SPTBN5: variants seen among roughly 807,000 people sequenced by gnomAD.
SPTBN5 encodes the protein spectrin beta chain, non-erythrocytic 5.
SPTBN5 carries 513 observed loss-of-function variants against 477.6 expected under a neutral mutation model. That is an observed-to-expected ratio of 1.07 (90% CI 1.00 to 1.16). The LOEUF is 1.16. Among genes scored for constraint, SPTBN5 ranks in the 50% most tolerant of loss-of-function variants. SPTBN5 has a pLI of 0.00. For synonymous variants in SPTBN5, 2,169 were observed against 2,011.7 expected, an observed-to-expected ratio of 1.08 and a Z score of -2.09; for missense variants, 5,062 against 4,731.8, an observed-to-expected ratio of 1.07 and a Z score of -2.05.
intron 18 of SPTBN5, 64 bp downstream of exon 18, chr15:41,877,052 C>T: frequency 6.2e-7 from 1 of 1,603,130 alleles, no homozygotes; most frequent in Non-Finnish European, 8.5e-7. Context: ...CTTCTGGACT[C>T]AAGGGGATGA....
In SPTBN5 at chr15:41,887,899, G is replaced by C; in HGVS notation, c.659+29C>G. 8 of 1,594,508 alleles carry C rather than the reference G, an allele frequency of 5.0e-6. 1 individual carries two copies. In the South Asian group the frequency reaches 9.1e-5, roughly 18 times the overall value. ...CCAGGAGCTGTTGGCTCAGTGGGCAGAGGCCTCCTGACAAGGGTGGGGTCA... is the reference window on the plus strand; with the variant it reads ...CCAGGAGCTGTTGGCTCAGTGGGCACAGGCCTCCTGACAAGGGTGGGGTCA... On this transcript the variant is annotated intron_variant, in intron 5 of 67. Coordinates refer to ENST00000320955, the MANE Select transcript of SPTBN5 (RefSeq NM_016642.4).
At position 41,876,259 on chromosome 15, in the gene SPTBN5, A is replaced by G; in HGVS notation, c.3977T>C (p.Leu1326Pro). ...LQEWKQDVAE[L>P]MQWMEEKGLM... ...CCCCTTCTCTTCCATCCACTGCATCAGCTCTGCCACATCCTGCTTCCACTC... is the reference window on the plus strand; with the variant it reads ...CCCCTTCTCTTCCATCCACTGCATCGGCTCTGCCACATCCTGCTTCCACTC... Residue 1326 changes from leucine to proline, a missense_variant, in exon 21 of 68, where the codon CTG (leucine) becomes CCG (proline). By Grantham distance (98) the Leu-to-Pro change is moderately conservative (BLOSUM62 -3). Coordinates refer to ENST00000320955, the MANE Select transcript of SPTBN5 (RefSeq NM_016642.4). The G allele has an allele frequency of 1.3e-6, 2 of 1,585,104 alleles. No homozygotes were observed. Among genetic ancestry groups the G allele is most frequent in the Non-Finnish European group, 1.7e-6 (2 of 1,166,268 alleles).
Position 41,876,116 on chromosome 15 carries a change from G to A in SPTBN5, c.4120C>T (p.Gln1374Ter). 6.3e-7 allele frequency: 1 copy of A among 1,598,386 alleles called. No homozygotes were observed. The highest frequency in any genetic ancestry group is 8.5e-7 in the Non-Finnish European group (1 of 1,176,814). Residue 1374 changes from glutamine (Q) to a stop codon, truncating the protein, a stop_gained and splice_region_variant, in exon 21 of 68, where the codon CAG becomes TAG. Coordinates refer to ENST00000320955, the MANE Select transcript of SPTBN5 (RefSeq NM_016642.4). LOFTEE classifies it high-confidence loss of function. ...ACCCTCTGTCCCGTGTCCCCCACCTGCTGCAGGGCCTCCACGTGTCTGCGG... is the reference window on the plus strand; with the variant it reads ...ACCCTCTGTCCCGTGTCCCCCACCTACTGCAGGGCCTCCACGTGTCTGCGG... Reference protein sequence around the residue: ...ATRRHVEALQQVGRELLSRRP... With the variant: ...ATRRHVEALQ
In SPTBN5 at chr15:41,890,098, G is replaced by A. The variant is rs1391451172; in HGVS notation, c.492C>T (p.Ser164=). ...GGGGACTGAGCCATACCTTGTCCAA[G>A]GAGATGTGGGAGATCTGGAAACGCA... ...IILRFQISHI[S]LDKEEFGASA... is the part of the protein sequence containing the mutation. The change falls in exon 4 of 68, where the codon TCC becomes TCT. Residue 164 remains serine (S), a synonymous_variant. Coordinates refer to ENST00000320955, the MANE Select transcript of SPTBN5 (RefSeq NM_016642.4). 6.2e-7 allele frequency: 1 copy of A among 1,609,660 alleles called. No homozygotes were observed. Among genetic ancestry groups the A allele is most frequent in the Non-Finnish European group, 8.5e-7 (1 of 1,177,546 alleles).
Position 41,872,372 on chromosome 15 carries a change from C to G in SPTBN5, c.5095G>C (p.Glu1699Gln). 1 of 1,610,934 alleles carries G rather than the reference C, an allele frequency of 6.2e-7. No individual in the cohort carries two copies. The highest frequency in any genetic ancestry group is 8.5e-7 in the Non-Finnish European group (1 of 1,179,250). ...AQTLTGPEVP[E>Q]QQRVVQERLR... ...CTCTCCTGCACCACACGCTGCTGCT[C>G]AGGGACTTCGGGGCCAGTGAGGGTT... The change falls in exon 27 of 68, where the codon GAG becomes CAG. Residue 1699 changes from glutamate (E) to glutamine (Q), a missense_variant. Transcript: ENST00000320955.
At chr15:41,850,395 A>G (rs1348149280) in intron 66 of SPTBN5, 2 of 232,256 alleles carry the variant, frequency 8.6e-6, no homozygotes, top group South Asian at 1.6e-4. Flanking sequence ...GGTTGTCTCT[A>G]TATATTCCTC....
Position 41,866,476 on chromosome 15 carries a change from C to G in SPTBN5, c.6498G>C (p.Gln2166His), listed in dbSNP as rs1273558314. The G allele has an allele frequency of 2.3e-5, 37 of 1,581,628 alleles. No individual in the cohort carries two copies. The highest frequency in any genetic ancestry group is 3.2e-5 in the Non-Finnish European group (37 of 1,165,924). ...GCTCCTTCAGCTGCTGGGCCCACGC[C>G]TGGATCCAGTCCTCAGCCTGGTGGG... is the stretch of plus-strand genomic sequence containing the variant. ...QAATQAEDWI[Q>H]AWAQQLKEPV... Residue 2166 changes from glutamine to histidine, a missense_variant, in exon 37 of 68, where the codon CAG becomes CAC. Physicochemically the swap from Gln to His is conservative, Grantham distance 24 (BLOSUM62 0). Transcript: ENST00000320955.
rs1567216422 is a variant in SPTBN5 at position 41,876,218 on chromosome 15, C to G, written c.4018G>C (p.Glu1340Gln). The change falls in exon 21 of 68, where the codon GAG becomes CAG. Residue 1340 changes from glutamate (E) to glutamine (Q), a missense_variant. Coordinates refer to ENST00000320955, the MANE Select transcript of SPTBN5 (RefSeq NM_016642.4). ...MEEKGLMAAH[E>Q]PSGARRNILQ... ...ATGTTTCTGCGCGCTCCGGAGGGCT[C>G]ATGCGCAGCCATCAGCCCCTTCTCT... 18 of 1,603,750 alleles carry G rather than the reference C, an allele frequency of 1.1e-5. No homozygotes were observed. The highest frequency in any genetic ancestry group is 1.5e-5 in the Non-Finnish European group (18 of 1,178,830).
intron 14 of SPTBN5, 114 bp downstream of exon 14, chr15:41,880,035 GGCCAGCTCTCT>G (rs1165536983): frequency 2.0e-5 from 29 of 1,424,066 alleles, no homozygotes; most frequent in South Asian, 7.3e-5. Context: ...TCGAAATTCA[GGCCAGCTCTCT>G]GCTCCCCTCC....
At chr15:41,886,431 T>C (rs1745988316) in intron 6 of SPTBN5, 65 bp from the exon 7 acceptor site, 8 of 1,493,286 alleles carry the variant, frequency 5.4e-6, no homozygotes, top group Non-Finnish European at 7.1e-6. Context: ...GGGCACTGAG[T>C]GCCAGCCAGA....
In SPTBN5 at chr15:41,870,362, G is replaced by C; in HGVS notation, c.5563-9C>G. On this transcript the variant is annotated splice_polypyrimidine_tract_variant and intron_variant, in intron 30 of 67. Coordinates refer to ENST00000320955, the MANE Select transcript of SPTBN5 (RefSeq NM_016642.4). ...AGGCTCGTGGCTTTCTCCTGAGGAA[G>C]GGAGAATGCCGAGGAGATGAGGGAT... 6.3e-7 allele frequency: 1 copy of C among 1,585,144 alleles called. No individual in the cohort carries two copies. The highest frequency in any genetic ancestry group is 8.6e-7 in the Non-Finnish European group (1 of 1,165,846).
At position 41,881,121 on chromosome 15, in the gene SPTBN5, C is replaced by T; in HGVS notation, c.2571G>A (p.Glu857=). ...TGTTGGGATCAAAGTCAGGGTCAGG[C>T]TCAGCTGGGAGGGCCATCTTCCAGG... The part of the protein sequence containing the change: ...GDAWKMALPA[E]PDPDFDPNTI... Residue 857 remains glutamate (E), a synonymous_variant, in exon 13 of 68, where the codon GAG becomes GAA. Transcript: ENST00000320955. 2 of 1,613,646 alleles carry T rather than the reference C, an allele frequency of 1.2e-6. No homozygotes were observed. The highest frequency in any genetic ancestry group is 1.7e-6 in the Non-Finnish European group (2 of 1,179,814).
In SPTBN5 at chr15:41,885,915, T is replaced by C; in HGVS notation, c.1340A>G (p.Gln447Arg). The C allele has an allele frequency of 6.3e-7, 1 of 1,582,398 alleles. No homozygotes were observed. The highest frequency in any genetic ancestry group is 8.6e-7 in the Non-Finnish European group (1 of 1,164,208). ...LRESFLKDAE[Q>R]VLDQARAPPA... ...CGGGGCTCTGGCCTGGTCTAGCACCTGCTCTGCATCCTTAAGGAAACTCTC... is the reference window on the plus strand; with the variant it reads ...CGGGGCTCTGGCCTGGTCTAGCACCCGCTCTGCATCCTTAAGGAAACTCTC... The change falls in exon 7 of 68, where the codon CAG becomes CGG. Residue 447 changes from glutamine to arginine, a missense_variant. Physicochemically the swap from Gln to Arg is conservative, Grantham distance 43. Coordinates refer to ENST00000320955, the MANE Select transcript of SPTBN5 (RefSeq NM_016642.4).
Position 41,873,306 on chromosome 15 carries a change from A to G in SPTBN5, c.5007+186T>C, listed in dbSNP as rs539729601. On this transcript the variant is annotated intron_variant, in intron 26 of 67. Transcript: ENST00000320955. ...TGAAGGGAGAAAGCGTGTACATCACAGTGCCCAGGTTGCCTTGGAAGAAGG... is the reference window on the plus strand; with the variant it reads ...TGAAGGGAGAAAGCGTGTACATCACGGTGCCCAGGTTGCCTTGGAAGAAGG... 5.9e-5 allele frequency among the ~76,000 whole-genome samples: 9 copies of G among 152,262 alleles called. No homozygotes were observed. The East Asian group carries it at 1.7e-3, about 29-fold the overall frequency.
In SPTBN5 at chr15:41,862,116, A is replaced by G. The variant is rs1051604575; in HGVS notation, c.7548+14T>C. ...TGAGAGCCTGGGAAAGGCTTGGGCC[A>G]GCTGCCCATTCACCTTGCACTCCTG... On this transcript the variant is annotated intron_variant, in intron 44 of 67. Transcript: ENST00000320955. 1.9e-6 allele frequency: 3 copies of G among 1,548,184 alleles called. No homozygotes were observed. The African/African-American group carries it at 4.1e-5, about 21-fold the overall frequency.
intron 63 of SPTBN5, 54 bp downstream of exon 63, chr15:41,851,725 C>G (rs2140909813): frequency 4.3e-6 from 6 of 1,401,278 alleles, no homozygotes; most frequent in Non-Finnish European, 6.0e-6. Flanking sequence ...TCGAGCCACT[C>G]AAGTGCTGCT....
In SPTBN5 at chr15:41,858,955, C is replaced by T. The variant is rs756778746; in HGVS notation, c.8014G>A (p.Gly2672Arg). The change falls in exon 48 of 68, where the codon GGG becomes AGG. Residue 2672 changes from glycine (G) to arginine (R), a missense_variant. Coordinates refer to ENST00000320955, the MANE Select transcript of SPTBN5 (RefSeq NM_016642.4). ...TCCTCCAGGCGATGGCGGCGGGTCC[C>T]GGCTTGCCTGAAGAGCGCCTCCTTC... ...LRKEALFRQAGTRRHRLEELR... is the reference protein window; with the variant it reads ...LRKEALFRQARTRRHRLEELR... 33 of 1,582,926 alleles carry T rather than the reference C, an allele frequency of 2.1e-5. No homozygotes were observed. Among genetic ancestry groups the T allele is most frequent in the South Asian group, 8.0e-5 (7 of 87,454 alleles).
chr15:41,873,666 C>T, intron 25 of SPTBN5, 58 bp from the exon 26 acceptor site: 2 of 1,477,630 alleles, frequency 1.4e-6, no homozygotes, highest in Non-Finnish European at 1.8e-6. Flanking sequence ...TCCGTCAGCC[C>T]TGGAGACATC....
chr15:41,878,794 G>A (rs1327830212), intron 16 of SPTBN5, among the ~76,000 whole-genome samples, 165 bp from the exon 17 acceptor site: 1 of 152,174 alleles, frequency 6.6e-6, no homozygotes, highest in Non-Finnish European at 1.5e-5. Flanking sequence ...CTCGCCAGGT[G>A]CAGTGGCTCA....
Sources: allele counts gnomAD v4.1 joint callset (sites outside exome capture counted in the v4.1 genomes callset), GRCh38; gene constraint gnomAD v4.1.1; transcripts MANE v1.5; gene names NCBI Gene and HGNC (gene_info 2026-07-23, HGNC 2026-07-21).